The following DOCK11 variants were observed in gnomAD, a reference collection of about 807,000 sequenced individuals.
DOCK11 encodes dedicator of cytokinesis 11.
DOCK11 carries 70 observed loss-of-function variants against 169.1 expected under a neutral mutation model. That is an observed-to-expected ratio of 0.41 (90% CI 0.34 to 0.51). The LOEUF (loss-of-function observed/expected upper bound fraction) is 0.51, where lower values mean the gene tolerates loss of function less well. Among genes scored for constraint, DOCK11 ranks in the 20% least tolerant of loss-of-function variants. The pLI, the probability that DOCK11 is intolerant of heterozygous loss-of-function variation, is 0.10. For synonymous variants in DOCK11, 529 were observed against 541.3 expected, an observed-to-expected ratio of 0.98 and a Z score of 0.32; for missense variants, 1,166 against 1,538.8, an observed-to-expected ratio of 0.76 and a Z score of 4.05.
At chrX:118,665,443 C>G (rs1476088485) in intron 45 of DOCK11, among the ~76,000 whole-genome samples, 1 of 112,141 alleles carries the variant, frequency 8.9e-6, no homozygotes, top group Non-Finnish European at 1.9e-5. Context: ...TTAACTGGTT[C>G]AGTACAACTG....
chrX:118,680,741 A>C (rs1479985308), intron 49 of DOCK11, 49 bp downstream of exon 49: 1 of 994,421 alleles, frequency 1.0e-6, no homozygotes, highest in Non-Finnish European at 1.4e-6. Flanking sequence ...GGTCTTTTTC[A>C]GCATACACGA....
rs1010340377 is a variant in DOCK11 at position 118,543,512 on chromosome X, G to A, written c.311G>A (p.Cys104Tyr). Residue 104 changes from cysteine to tyrosine, a missense_variant and splice_region_variant, in exon 4 of 53, where the codon TGT (cysteine) becomes TAT (tyrosine). Transcript: ENST00000276202. ...KRAQSLFVKE[C>Y]IKTYSTDWHV... ...TTCAAGATTCCTATTTTCTTTCAGT[G>A]TATTAAAACCTATAGCACAGATTGG... 1 of 1,192,056 alleles carries A rather than the reference G, an allele frequency of 8.4e-7. No homozygotes were observed. The highest frequency in any genetic ancestry group is 1.1e-6 in the Non-Finnish European group (1 of 878,135).
chrX:118,665,211 T>C (rs1018265789), intron 45 of DOCK11, among the ~76,000 whole-genome samples: 6 of 112,432 alleles, frequency 5.3e-5, no homozygotes, highest in African/African-American at 1.6e-4. Context: ...TTGGTGTCCT[T>C]TTACCCTCAG....
At chrX:118,670,551 C>A (rs1447110984) in intron 45 of DOCK11, among the ~76,000 whole-genome samples, 1 of 110,989 alleles carries the variant, frequency 9.0e-6, no homozygotes, top group Non-Finnish European at 1.9e-5. Flanking sequence ...TTTAAAAAAA[C>A]ATCGAATCAT....
rs939756830 is a variant in DOCK11 at position 118,671,112 on chromosome X, C to T, written c.5166C>T (p.Ile1722=). ...YEIISEISKL[I]VPIYEKRREF... ...TAATTTCTGAGATTTCCAAGTTGAT[C>T]GTTCCAATTTATGAGAAACGTCGTG... The change falls in exon 46 of 53, where the codon ATC becomes ATT. Residue 1722 remains isoleucine, a synonymous_variant. Coordinates refer to ENST00000276202, the MANE Select transcript of DOCK11 (RefSeq NM_144658.4). 14 of 1,203,868 alleles carry T rather than the reference C, an allele frequency of 1.2e-5. No homozygotes were observed. Among genetic ancestry groups the T allele is most frequent in the Admixed American group, 8.8e-5 (4 of 45,571 alleles).
chrX:118,586,821 G>A (rs1603091941), intron 16 of DOCK11, among the ~76,000 whole-genome samples: 1 of 112,100 alleles, frequency 8.9e-6, no homozygotes, highest in African/African-American at 3.2e-5. Context: ...AGTGTAGTAT[G>A]TGATGGGAAC....
At chrX:118,616,414 A>T (rs1212483565) in intron 30 of DOCK11, among the ~76,000 whole-genome samples, 1 of 112,372 alleles carries the variant, frequency 8.9e-6, no homozygotes, top group Non-Finnish European at 1.9e-5. Flanking sequence ...GTTTAGTTTT[A>T]AAATAAAACT....
chrX:118,608,374 A>G lies in DOCK11; in HGVS notation c.2877+18A>G. ...TGCTAAAGGTATGAACACAGGACAC[A>G]ACAAGGAACAAAAGCAGCCATAGAC... On this transcript the variant is annotated intron_variant, in intron 26 of 52. Coordinates refer to ENST00000276202, the MANE Select transcript of DOCK11 (RefSeq NM_144658.4). The G allele has an allele frequency of 8.4e-7, 1 of 1,185,765 alleles. No homozygotes were observed. Among genetic ancestry groups the G allele is most frequent in the Non-Finnish European group, 1.1e-6 (1 of 884,472 alleles).
chrX:118,504,161 C>T (rs1024742881), intron 1 of DOCK11, among the ~76,000 whole-genome samples: 8 of 110,436 alleles, frequency 7.2e-5, no homozygotes, highest in Non-Finnish European at 1.9e-5. Flanking sequence ...GCCCCCAGTG[C>T]TCTCTCTTAA....
intron 43 of DOCK11, 38 bp downstream of exon 43, chrX:118,654,855 A>G: frequency 1.7e-6 from 2 of 1,208,578 alleles, no homozygotes; most frequent in Non-Finnish European, 2.2e-6. Context: ...AGCCCTTCAA[A>G]ACACCTTGAG....
Position 118,615,584 on chromosome X carries a change from A to G in DOCK11, c.3181-16A>G, listed in dbSNP as rs776025765. 1 of 1,157,360 alleles carries G rather than the reference A, an allele frequency of 8.6e-7. No homozygotes were observed. Among genetic ancestry groups the G allele is most frequent in the African/African-American group, 1.8e-5 (1 of 56,256 alleles). The stretch of plus-strand genomic sequence containing the variant: ...CCTACTAAATATGAGCTAATGTATC[A>G]TTTCTTTCCATTTAGGTTCTGGCTG... On this transcript the variant is annotated splice_polypyrimidine_tract_variant and intron_variant, in intron 29 of 52. Coordinates refer to ENST00000276202, the MANE Select transcript of DOCK11 (RefSeq NM_144658.4).
intron 45 of DOCK11, among the ~76,000 whole-genome samples, chrX:118,670,356 G>C (rs144938424): frequency 0.023 from 2,604 of 111,377 alleles, 101 homozygotes; most frequent in African/African-American, 0.08. Flanking sequence ...TTTCATCGTT[G>C]AGAACATGAG....
chrX:118,625,766 G>A (rs2015087366), intron 32 of DOCK11, among the ~76,000 whole-genome samples: 1 of 111,512 alleles, frequency 9.0e-6, no homozygotes, highest in Admixed American at 9.5e-5. Flanking sequence ...GACTCTTTTA[G>A]TTTATCACAA....
intron 1 of DOCK11, among the ~76,000 whole-genome samples, chrX:118,509,712 G>A (rs1289793156): frequency 1.8e-5 from 2 of 112,468 alleles, no homozygotes; most frequent in Non-Finnish European, 3.8e-5. Context: ...CAAACTTAGT[G>A]TCTTAACACA....
chrX:118,544,752 C>A (rs986761896), intron 4 of DOCK11, among the ~76,000 whole-genome samples: 5 of 101,474 alleles, frequency 4.9e-5, no homozygotes. Context: ...CCTCTGCCTC[C>A]CGGGTTCAGG....
At chrX:118,609,557 C>T (rs191839519) in intron 27 of DOCK11, among the ~76,000 whole-genome samples, 26 of 112,132 alleles carry the variant, frequency 2.3e-4, no homozygotes, top group Admixed American at 1.9e-4. Flanking sequence ...TCTGAGGTCT[C>T]GCAGTTGATA....
At chrX:118,514,984 C>G (rs1305686680) in intron 1 of DOCK11, among the ~76,000 whole-genome samples, 1 of 111,938 alleles carries the variant, frequency 8.9e-6, no homozygotes, top group Non-Finnish European at 1.9e-5. Context: ...ATAAGTATCA[C>G]TAGGCCTCAC....
At chrX:118,518,488 T>C (rs1427043744) in intron 1 of DOCK11, among the ~76,000 whole-genome samples, 6 of 111,895 alleles carry the variant, frequency 5.4e-5, no homozygotes, top group Non-Finnish European at 1.1e-4. Context: ...GCGAGAGGAT[T>C]CCTTGAGCCC....
intron 30 of DOCK11, among the ~76,000 whole-genome samples, chrX:118,617,832 G>A (rs1044965825): frequency 4.5e-5 from 5 of 111,702 alleles, no homozygotes; most frequent in Middle Eastern, 4.6e-3. Context: ...GCAGTGAGCT[G>A]AGATTGTGCC....
Sources: allele counts gnomAD v4.1 joint callset (sites outside exome capture counted in the v4.1 genomes callset), GRCh38; gene constraint gnomAD v4.1.1; transcripts MANE v1.5; gene names NCBI Gene and HGNC (gene_info 2026-07-23, HGNC 2026-07-21).